Variants in SYK observed in about 807,000 individuals in gnomAD.
SYK encodes spleen associated tyrosine kinase.
Under a neutral mutation model 77.8 loss-of-function variants are expected in SYK, and 16 were observed. The ratio of observed to expected loss-of-function variants is 0.21; its 90% CI spans 0.14 to 0.31. The LOEUF is 0.31. Among genes scored for constraint, SYK ranks in the 10% least tolerant of loss-of-function variants. The pLI is 1.00. For missense variants in SYK, 529 were observed against 814.4 expected (o/e 0.65, Z 4.26); for synonymous variants, 312 against 308.7 (o/e 1.01, Z -0.11).
chr9:90,859,893 T>C (rs559016273), intron 3 of SYK, among the ~76,000 whole-genome samples: 1 of 152,356 alleles, frequency 6.6e-6, no homozygotes, highest in Admixed American at 6.5e-5. Context: ...TGTCTCAGTT[T>C]TTAACAAGAA....
At position 90,862,334 on chromosome 9, in the gene SYK, C is replaced by T. The variant is rs201857010; in HGVS notation, c.707C>T (p.Thr236Met). 5 of 1,613,744 alleles carry T rather than the reference C, an allele frequency of 3.1e-6. No individual in the cohort carries two copies. The highest frequency in any genetic ancestry group is 2.2e-5 in the South Asian group (2 of 91,042). ...LSIPEGKKFD[T>M]LWQLVEHYSY... ...ATCCCCGAGGGAAAGAAGTTCGACA[C>T]GCTCTGGCAGGTACCCAGCCTCCTC... Residue 236 changes from threonine (T) to methionine (M), a missense_variant, in exon 4 of 14, where the codon ACG (threonine) becomes ATG (methionine). This residue lies in a region of SYK where 321 missense variants were observed against 433.1 expected (regional missense o/e 0.74). Coordinates refer to ENST00000375754, the MANE Select transcript of SYK (RefSeq NM_003177.7).
chr9:90,864,341 C>T (rs1827387805), intron 4 of SYK, among the ~76,000 whole-genome samples: 1 of 152,200 alleles, frequency 6.6e-6, no homozygotes, highest in Admixed American at 6.5e-5. Context: ...ATGAGGCCCA[C>T]AAAAGCCTAA....
At chr9:90,803,836 G>T (rs1439749569) in intron 1 of SYK, among the ~76,000 whole-genome samples, 3 of 152,096 alleles carry the variant, frequency 2.0e-5, no homozygotes, top group Non-Finnish European at 2.9e-5. Flanking sequence ...TGACCCTGCT[G>T]GTTACATGCC....
chr9:90,820,433 C>G (rs938300872), intron 1 of SYK, among the ~76,000 whole-genome samples: 6 of 152,256 alleles, frequency 3.9e-5, no homozygotes, highest in African/African-American at 1.4e-4. Context: ...GAAGTCTAGG[C>G]AGAGGTTCCC....
At chr9:90,849,196 G>A (rs1056425727) in intron 3 of SYK, among the ~76,000 whole-genome samples, 10 of 152,184 alleles carry the variant, frequency 6.6e-5, no homozygotes, top group East Asian at 1.9e-4. Context: ...CCACATCATC[G>A]GTTTGCTGTG....
Position 90,823,326 on chromosome 9 carries a change from C to A in SYK, c.-41-20532C>A, listed in dbSNP as rs564232177. Among the ~76,000 whole-genome samples, 5 of 152,320 alleles carry A rather than the reference C, an allele frequency of 3.3e-5. No individual in the cohort carries two copies. The South Asian group carries it at 1.0e-3, about 32-fold the overall frequency. The stretch of plus-strand genomic sequence containing the variant: ...GTCTTATAGTTAGAGATTTTAATCT[C>A]TTTCTCACAAAAGTTGATAGACCAA... On this transcript the variant is annotated intron_variant, in intron 1 of 13. Transcript: ENST00000375754.
chr9:90,816,138 C>T (rs1207615748), intron 1 of SYK, among the ~76,000 whole-genome samples: 2 of 152,166 alleles, frequency 1.3e-5, no homozygotes, highest in African/African-American at 2.4e-5. Flanking sequence ...TTCTGTTTAG[C>T]GATCGTGAGA....
chr9:90,876,056 T>TCTGG (rs1827913815), intron 9 of SYK, among the ~76,000 whole-genome samples: 1 of 152,126 alleles, frequency 6.6e-6, no homozygotes, highest in African/African-American at 2.4e-5. Context: ...GAGGCCAAGG[T>TCTGG]AGGTGGATCA....
At chr9:90,843,772 C>T (rs1427982330) in intron 1 of SYK, 86 bp from the exon 2 acceptor site, 2 of 1,071,938 alleles carry the variant, frequency 1.9e-6, no homozygotes, top group Non-Finnish European at 2.5e-6. Flanking sequence ...GGTTTGTCTC[C>T]ACTTTGAAAG....
chr9:90,821,333 G>C (rs1825509373), intron 1 of SYK, among the ~76,000 whole-genome samples: 1 of 152,156 alleles, frequency 6.6e-6, no homozygotes, highest in Non-Finnish European at 1.5e-5. Flanking sequence ...TCACATTGCT[G>C]ATAAAGACAT....
At chr9:90,850,375 G>A (rs1587859979) in intron 3 of SYK, among the ~76,000 whole-genome samples, 1 of 152,138 alleles carries the variant, frequency 6.6e-6, no homozygotes, top group East Asian at 1.9e-4. Flanking sequence ...AATTAGCTGA[G>A]TATAGTGGTG....
At chr9:90,808,997 C>T (rs895889814) in intron 1 of SYK, among the ~76,000 whole-genome samples, 1 of 152,190 alleles carries the variant, frequency 6.6e-6, no homozygotes, top group African/African-American at 2.4e-5. Flanking sequence ...GTTTCTTCCC[C>T]TTCTCTGCAT....
At chr9:90,838,045 T>C (rs1271462836) in intron 1 of SYK, among the ~76,000 whole-genome samples, 1 of 152,174 alleles carries the variant, frequency 6.6e-6, no homozygotes, top group Non-Finnish European at 1.5e-5. Flanking sequence ...TAGGAGAGAC[T>C]GAGGGAGGAA....
intron 13 of SYK, among the ~76,000 whole-genome samples, chr9:90,889,947 G>A (rs1258986360): frequency 6.6e-6 from 1 of 152,230 alleles, no homozygotes; most frequent in Non-Finnish European, 1.5e-5. Context: ...TACTGAAAGT[G>A]TTCTTTGGTC....
Position 90,874,733 on chromosome 9 carries a change from C to G in SYK, c.1065C>G (p.Pro355=), listed in dbSNP as rs2290890. The change falls in exon 9 of 14, where the codon CCC becomes CCG. Residue 355 remains proline, a synonymous_variant. Coordinates refer to ENST00000375754, the MANE Select transcript of SYK (RefSeq NM_003177.7). ...TGTACGAGAGCCCCTACGCGGACCC[C>G]GAGGAGATCAGGCCCAAGGAGGTTT... ...TEVYESPYAD[P]EEIRPKEVYL... The G allele has an allele frequency of 3.1e-6, 5 of 1,613,816 alleles. No homozygotes were observed. The highest frequency in any genetic ancestry group is 1.1e-5 in the South Asian group (1 of 91,064).
At chr9:90,808,297 G>T (rs1824923077) in intron 1 of SYK, among the ~76,000 whole-genome samples, 2 of 152,008 alleles carry the variant, frequency 1.3e-5, no homozygotes, top group African/African-American at 4.8e-5. Flanking sequence ...ACTTCTTTGG[G>T]ATTTTTTTAA....
chr9:90,818,061 C>T (rs1382526380), intron 1 of SYK, among the ~76,000 whole-genome samples: 1 of 152,212 alleles, frequency 6.6e-6, no homozygotes, highest in Non-Finnish European at 1.5e-5. Context: ...CTGAAGTCTA[C>T]AGCAGCCAGT....
intron 5 of SYK, 47 bp downstream of exon 5, chr9:90,864,714 C>T (rs771652452): frequency 6.5e-7 from 1 of 1,539,594 alleles, no homozygotes; most frequent in South Asian, 1.1e-5. Flanking sequence ...GTATCAGTGA[C>T]AATCAGCCTC....
chr9:90,891,706 G>T (rs1377982310), intron 13 of SYK, among the ~76,000 whole-genome samples: 1 of 152,134 alleles, frequency 6.6e-6, no homozygotes, highest in Admixed American at 6.5e-5. Context: ...CTAAACATAA[G>T]AAATTCAATG....
Sources: allele counts gnomAD v4.1 joint callset (sites outside exome capture counted in the v4.1 genomes callset), GRCh38; gene constraint gnomAD v4.1.1; regional missense constraint gnomAD v4.1.1; transcripts MANE v1.5; gene names NCBI Gene and HGNC (gene_info 2026-07-23, HGNC 2026-07-21).